Variants in ME1 observed in about 807,000 individuals in gnomAD.
ME1 encodes the protein NADP-dependent malic enzyme.
A neutral mutation model predicts 66.4 loss-of-function variants in ME1; 74 were observed. The ratio of observed to expected loss-of-function variants is 1.11; its 90% CI spans 0.92 to 1.35. The LOEUF is 1.35. Among genes scored for constraint, ME1 ranks in the 40% most tolerant of loss-of-function variants. ME1 has a pLI of 0.00. For synonymous variants in ME1, 251 were observed against 235.6 expected, an observed-to-expected ratio of 1.07 and a Z score of -0.60; for missense variants, 750 against 694.1, an observed-to-expected ratio of 1.08 and a Z score of -0.90.
rs150533157 is a variant in ME1 at position 83,320,190 on chromosome 6, C to A, written c.601-4777G>T. On this transcript the variant is annotated intron_variant, in intron 5 of 13. Transcript: ENST00000369705. ...AGTCCAAACTGCCAGCCAACAGAATCATAAACATTAATAAAACAGTAATTG... is the reference window on the plus strand; with the variant it reads ...AGTCCAAACTGCCAGCCAACAGAATAATAAACATTAATAAAACAGTAATTG... Among the ~76,000 whole-genome samples, 271 of 152,284 alleles carry A rather than the reference C, an allele frequency of 1.8e-3. 1 individual carries two copies. The highest frequency in any genetic ancestry group is 5.6e-3 in the African/African-American group (233 of 41,560).
At chr6:83,405,734 T>C (rs1423918701) in intron 2 of ME1, among the ~76,000 whole-genome samples, 3 of 149,494 alleles carry the variant, frequency 2.0e-5, no homozygotes, top group Admixed American at 2.0e-4. Flanking sequence ...TTTTTTTTTT[T>C]TTTTTGAGAC....
At chr6:83,272,076 T>C (rs535856727) in intron 6 of ME1, among the ~76,000 whole-genome samples, 1 of 152,306 alleles carries the variant, frequency 6.6e-6, no homozygotes, top group South Asian at 2.1e-4. Context: ...ATGCACAAAA[T>C]GCACAGGTGA....
At chr6:83,302,281 A>G (rs1331170614) in intron 6 of ME1, among the ~76,000 whole-genome samples, 2 of 152,124 alleles carry the variant, frequency 1.3e-5, no homozygotes, top group Admixed American at 1.3e-4. Flanking sequence ...GAAGGGAACA[A>G]CAGACACTGC....
intron 9 of ME1, among the ~76,000 whole-genome samples, chr6:83,236,137 AT>A (rs1562454935): frequency 6.6e-6 from 1 of 152,108 alleles, no homozygotes; most frequent in Non-Finnish European, 1.5e-5. Flanking sequence ...TTTGAAAACA[AT>A]TTAAAGCCTA....
intron 1 of ME1, among the ~76,000 whole-genome samples, chr6:83,409,453 C>G (rs940457797): frequency 6.6e-6 from 1 of 152,168 alleles, no homozygotes; most frequent in African/African-American, 2.4e-5. Flanking sequence ...CGGTTCATCC[C>G]ACAGGGAGGT....
At chr6:83,236,304 C>T (rs1336391376) in intron 9 of ME1, among the ~76,000 whole-genome samples, 1 of 152,030 alleles carries the variant, frequency 6.6e-6, no homozygotes, top group Non-Finnish European at 1.5e-5. Flanking sequence ...ATACTGTATA[C>T]ATCTCTATCT....
chr6:83,325,049 G>C (rs921367191), intron 5 of ME1, among the ~76,000 whole-genome samples: 1 of 152,106 alleles, frequency 6.6e-6, no homozygotes, highest in African/African-American at 2.4e-5. Context: ...GGGATGCAAG[G>C]CTGGTTCAAC....
chr6:83,282,101 C>T (rs1767308036), intron 6 of ME1, among the ~76,000 whole-genome samples: 1 of 151,710 alleles, frequency 6.6e-6, no homozygotes, highest in Non-Finnish European at 1.5e-5. Context: ...GTCTTTTGAA[C>T]TAATCAAGGC....
intron 6 of ME1, among the ~76,000 whole-genome samples, chr6:83,293,871 A>G (rs975917622): frequency 1.3e-5 from 2 of 152,042 alleles, no homozygotes; most frequent in Admixed American, 6.5e-5. Context: ...GAGCTACTAC[A>G]CTCATTTTAA....
At chr6:83,381,650 T>C (rs900427519) in intron 3 of ME1, among the ~76,000 whole-genome samples, 1 of 152,164 alleles carries the variant, frequency 6.6e-6, no homozygotes, top group Admixed American at 6.5e-5. Flanking sequence ...GTTGCTGCTA[T>C]TGGCAACTCT....
intron 6 of ME1, among the ~76,000 whole-genome samples, chr6:83,298,620 T>C (rs1034243244): frequency 6.6e-6 from 1 of 152,192 alleles, no homozygotes; most frequent in African/African-American, 2.4e-5. Flanking sequence ...TTTTCATGTT[T>C]CTGTCATGAA....
intron 3 of ME1, among the ~76,000 whole-genome samples, chr6:83,357,929 C>CTA (rs1768925023): frequency 2.0e-4 from 11 of 56,316 alleles, no homozygotes; most frequent in African/African-American, 3.5e-4. Context: ...CTCTCTCTCT[C>CTA]TCTCTCTATA....
chr6:83,421,671 T>C (rs1770271659), intron 1 of ME1, among the ~76,000 whole-genome samples: 1 of 152,112 alleles, frequency 6.6e-6, no homozygotes. Context: ...GTGCAATTGA[T>C]TGTGTACAAA....
intron 3 of ME1, among the ~76,000 whole-genome samples, chr6:83,393,950 T>C (rs989262677): frequency 6.6e-6 from 1 of 152,078 alleles, no homozygotes; most frequent in African/African-American, 2.4e-5. Flanking sequence ...TGTAGTATGA[T>C]TCCTTCATCT....
intron 6 of ME1, among the ~76,000 whole-genome samples, chr6:83,278,054 T>C (rs1165314701): frequency 3.3e-5 from 5 of 152,096 alleles, no homozygotes; most frequent in Non-Finnish European, 7.3e-5. Context: ...GCTTGGAAAC[T>C]GTTACTCCCA....
intron 10 of ME1, 36 bp from the exon 11 acceptor site, chr6:83,227,513 T>C: frequency 6.6e-7 from 1 of 1,518,828 alleles, no homozygotes; most frequent in African/African-American, 1.4e-5. Flanking sequence ...ATTAACACTA[T>C]CATTGGTTAA....
chr6:83,357,124 C>T (rs1768906647), intron 3 of ME1, among the ~76,000 whole-genome samples: 1 of 152,160 alleles, frequency 6.6e-6, no homozygotes, highest in Non-Finnish European at 1.5e-5. Flanking sequence ...TGAGATTATA[C>T]ATCTTTTGCA....
In ME1 at chr6:83,363,340, G is replaced by A. The variant is rs897975441; in HGVS notation, c.363-11201C>T. Reference sequence around the variant, plus strand: ...ACCTTTAAGTCAACAGGCTAAGAATGGAGTAACAGTGTTTGCTGGGATGAT... The same window carrying A: ...ACCTTTAAGTCAACAGGCTAAGAATAGAGTAACAGTGTTTGCTGGGATGAT... On this transcript the variant is annotated intron_variant, in intron 3 of 13. Transcript: ENST00000369705. Among the ~76,000 whole-genome samples, 5 of 152,156 alleles carry A rather than the reference G, an allele frequency of 3.3e-5. No homozygotes were observed. In the South Asian group the frequency reaches 6.2e-4, roughly 19 times the overall value.
chr6:83,212,614 A>T (rs1320537857), intron 13 of ME1, among the ~76,000 whole-genome samples: 1 of 152,136 alleles, frequency 6.6e-6, no homozygotes, highest in East Asian at 1.9e-4. Flanking sequence ...CCTGTGTTTC[A>T]TGCATAATTC....
Sources: allele counts gnomAD v4.1 joint callset (sites outside exome capture counted in the v4.1 genomes callset), GRCh38; gene constraint gnomAD v4.1.1; transcripts MANE v1.5; gene names NCBI Gene and HGNC (gene_info 2026-07-23, HGNC 2026-07-21).